GP2: variants seen among roughly 807,000 people sequenced by gnomAD.
GP2 encodes the protein glycoprotein 2, also known as pancreatic secretory granule membrane major glycoprotein GP2.
GP2 carries 58 observed loss-of-function variants against 60.8 expected under a neutral mutation model. That is an observed-to-expected ratio of 0.95 (90% CI 0.77 to 1.19). GP2 has a LOEUF of 1.19. GP2 is among the 50% of genes most tolerant of loss of function. The pLI, the probability that GP2 is intolerant of heterozygous loss-of-function variation, is 0.00. For missense variants in GP2, 647 were observed against 667.4 expected, an observed-to-expected ratio of 0.97 and a Z score of 0.34; for synonymous variants, 280 against 253.4, an observed-to-expected ratio of 1.10 and a Z score of -1.00.
intron 4 of GP2, 71 bp downstream of exon 4, chr16:20,322,798 A>G: frequency 1.2e-6 from 1 of 817,394 alleles, no homozygotes; most frequent in South Asian, 1.5e-5. Flanking sequence ...CCTTATCTTG[A>G]CCCTCTAAAG....
In GP2 at chr16:20,323,858, G is replaced by C; in HGVS notation, c.493C>G (p.Arg165Gly). Residue 165 changes from arginine (R) to glycine (G), a missense_variant, in exon 3 of 11, where the codon CGG becomes GGG. Arg to Gly is a moderately radical substitution (Grantham distance 125). Transcript: ENST00000302555. ...KACPGGYHVY[R>G]LEGTPWCNLR... is the part of the protein sequence containing the mutation. ...TTACACCAGGGAGTGCCTTCCAACC[G>C]GTACACATGGTACCCGCCTGGGCAG... 6.2e-7 allele frequency: 1 copy of C among 1,613,858 alleles called. No homozygotes were observed. The highest frequency in any genetic ancestry group is 8.5e-7 in the Non-Finnish European group (1 of 1,179,888).
In GP2 at chr16:20,319,602, C is replaced by A; in HGVS notation, c.1007+18G>T. ...ATTGCCAGGGTTATGGGTCAAAGGG[C>A]AAGGGTCAATGCCATACCTTACAAT... is the stretch of plus-strand genomic sequence containing the variant. On this transcript the variant is annotated intron_variant, in intron 6 of 10. Transcript: ENST00000302555. 2 of 1,597,080 alleles carry A rather than the reference C, an allele frequency of 1.3e-6. No individual in the cohort carries two copies. Among genetic ancestry groups the A allele is most frequent in the Non-Finnish European group, 1.7e-6 (2 of 1,164,764 alleles).
chr16:20,316,238 T>G (rs1964162018), intron 8 of GP2, among the ~76,000 whole-genome samples, 198 bp from the exon 9 acceptor site: 1 of 152,216 alleles, frequency 6.6e-6, no homozygotes, highest in African/African-American at 2.4e-5. Context: ...TTGAATCTCA[T>G]CAAGTAGAGA....
rs1174004061 is a variant in GP2 at position 20,313,195 on chromosome 16, T to A, written c.1546+1462A>T. The stretch of plus-strand genomic sequence containing the variant: ...TGTGCTTTCCATTTTGTCCAAGACA[T>A]ATTTCTAGTACCCTATAAATATGTA... On this transcript the variant is annotated intron_variant, in intron 10 of 10. Coordinates refer to ENST00000302555, the MANE Select transcript of GP2 (RefSeq NM_001502.4). Among the ~76,000 whole-genome samples, 5 of 152,310 alleles carry A rather than the reference T, an allele frequency of 3.3e-5. No homozygotes were observed. In the East Asian group the frequency reaches 7.7e-4, roughly 24 times the overall value.
In GP2 at chr16:20,317,292, A is replaced by T. The variant is rs1258066324; in HGVS notation, c.1337T>A (p.Met446Lys). Reference sequence around the variant, plus strand: ...AACTAGGTCATAATGTCCAGCAAACATGAACATCTGAACTGAGAACCGGCT... The same window carrying T: ...AACTAGGTCATAATGTCCAGCAAACTTGAACATCTGAACTGAGAACCGGCT... ...SESRFSVQMF[M>K]FAGHYDLVFL... Residue 446 changes from methionine to lysine, a missense_variant, in exon 8 of 11, where the codon ATG (methionine) becomes AAG (lysine). Met to Lys is a moderately conservative substitution (Grantham distance 95). Transcript: ENST00000302555. 11 of 1,612,638 alleles carry T rather than the reference A, an allele frequency of 6.8e-6. No individual in the cohort carries two copies. The highest frequency in any genetic ancestry group is 9.3e-6 in the Non-Finnish European group (11 of 1,178,616).
intron 10 of GP2, among the ~76,000 whole-genome samples, chr16:20,312,199 G>A (rs1053346730): frequency 3.9e-5 from 6 of 152,276 alleles, no homozygotes; most frequent in Middle Eastern, 3.4e-3. Flanking sequence ...AGTGAAGGAC[G>A]TGGATCCCAG....
chr16:20,320,157 G>A, intron 5 of GP2, 105 bp downstream of exon 5: 1 of 807,374 alleles, frequency 1.2e-6, no homozygotes, highest in South Asian at 1.5e-5. Flanking sequence ...CAACCCTGGG[G>A]GCTCAGGGAA....
Position 20,317,275 on chromosome 16 carries a change from C to T in GP2, c.1354G>A (p.Asp452Asn). Reference protein sequence around the residue: ...VQMFMFAGHYDLVFLHCEIHL... With the variant: ...VQMFMFAGHYNLVFLHCEIHL... ...ATCTCACAATGCAGGAAAACTAGGTCATAATGTCCAGCAAACATGAACATC... is the reference window on the plus strand; with the variant it reads ...ATCTCACAATGCAGGAAAACTAGGTTATAATGTCCAGCAAACATGAACATC... Residue 452 changes from aspartate (D) to asparagine (N), a missense_variant, in exon 8 of 11, where the codon GAC becomes AAC. Asp to Asn is a conservative substitution (Grantham distance 23). Coordinates refer to ENST00000302555, the MANE Select transcript of GP2 (RefSeq NM_001502.4). 6.2e-7 allele frequency: 1 copy of T among 1,613,262 alleles called. No homozygotes were observed. Among genetic ancestry groups the T allele is most frequent in the Non-Finnish European group, 8.5e-7 (1 of 1,179,210 alleles).
chr16:20,314,525 T>C, intron 10 of GP2, 132 bp downstream of exon 10: 2 of 739,740 alleles, frequency 2.7e-6, no homozygotes, highest in Non-Finnish European at 5.0e-6. Context: ...ACTGTGGGCA[T>C]CTCAAAGGCC....
intron 10 of GP2, among the ~76,000 whole-genome samples, chr16:20,312,791 C>G (rs577527718): frequency 6.6e-6 from 1 of 152,052 alleles, no homozygotes; most frequent in African/African-American, 2.4e-5. Flanking sequence ...GCTGGGATTA[C>G]AGGCATGCAC....
At position 20,324,150 on chromosome 16, in the gene GP2, G is replaced by C; in HGVS notation, c.201C>G (p.Thr67=). The C allele has an allele frequency of 6.2e-7, 1 of 1,613,856 alleles. No individual in the cohort carries two copies. The highest frequency in any genetic ancestry group is 8.5e-7 in the Non-Finnish European group (1 of 1,179,712). ...TGCTTCGGAAGGGTTCATCCAGGAG[G>C]GTGTAATTCTGACAGGGGTCAAAAC... ...HVCFDPCQNY[T]LLDEPFRSTE... The change falls in exon 3 of 11, where the codon ACC becomes ACG. Residue 67 remains threonine, a synonymous_variant. Coordinates refer to ENST00000302555, the MANE Select transcript of GP2 (RefSeq NM_001502.4).
At chr16:20,325,480 C>A (rs1002838470) in intron 2 of GP2, among the ~76,000 whole-genome samples, 1 of 152,120 alleles carries the variant, frequency 6.6e-6, no homozygotes, top group Non-Finnish European at 1.5e-5. Context: ...TTGCCAGGCA[C>A]CCCCAGAACC....
rs1414737891 is a variant in GP2, at chr16:20,326,379, A to G, written c.53T>C (p.Leu18Ser). ...MVGSGLLWLA[L>S]VSCILTQASA... Reference sequence around the variant, plus strand: ...TGCCTGGGTCAGAATGCAGGAGACCAAGGCCAGCCACAGGAGGCCAGAGCC... The same window carrying G: ...TGCCTGGGTCAGAATGCAGGAGACCGAGGCCAGCCACAGGAGGCCAGAGCC... The change falls in exon 2 of 11, where the codon TTG (leucine) becomes TCG (serine). Residue 18 changes from leucine (L) to serine (S), a missense_variant. Transcript: ENST00000302555. The G allele has an allele frequency of 8.1e-6, 13 of 1,613,616 alleles. No individual in the cohort carries two copies. Among genetic ancestry groups the G allele is most frequent in the Non-Finnish European group, 1.1e-5 (13 of 1,179,652 alleles).
At chr16:20,316,565 C>T (rs1397897623) in intron 8 of GP2, among the ~76,000 whole-genome samples, 5 of 152,106 alleles carry the variant, frequency 3.3e-5, no homozygotes, top group African/African-American at 1.2e-4. Flanking sequence ...CTGAGACTTA[C>T]ATTAAAAAAT....
Position 20,320,375 on chromosome 16 carries a change from C to T in GP2, c.745G>A (p.Val249Ile), listed in dbSNP as rs1194764816. The T allele has an allele frequency of 1.9e-6, 3 of 1,613,730 alleles. No individual in the cohort carries two copies. The highest frequency in any genetic ancestry group is 2.5e-6 in the Non-Finnish European group (3 of 1,179,632). Residue 249 changes from valine (V) to isoleucine (I), a missense_variant, in exon 5 of 11, where the codon GTC becomes ATC. Coordinates refer to ENST00000302555, the MANE Select transcript of GP2 (RefSeq NM_001502.4). ...TTTGGGTCTCGCAGGTAGGCAATGA[C>T]CTCCTCCCCCAAACCCAGGCCTCCC... Reference protein sequence around the residue: ...LLGGLGLGEEVIAYLRDPNCS... With the variant: ...LLGGLGLGEEIIAYLRDPNCS...
chr16:20,322,894 G>C lies in GP2; in HGVS notation c.621C>G (p.Phe207Leu), dbSNP rs755437016. Reference sequence around the variant, plus strand: ...CAGAACTATTGAGGTCCTGTCTGCAGAAACAGCCCCAGGTGCTGTTGAGGG... The same window carrying C: ...CAGAACTATTGAGGTCCTGTCTGCACAAACAGCCCCAGGTGCTGTTGAGGG... ...CLALNSTWGC[F>L]CRQDLNSSDV... Residue 207 changes from phenylalanine to leucine, a missense_variant, in exon 4 of 11, where the codon TTC becomes TTG. By Grantham distance (22) the Phe-to-Leu change is conservative (BLOSUM62 0). Coordinates refer to ENST00000302555, the MANE Select transcript of GP2 (RefSeq NM_001502.4). 1.2e-6 allele frequency: 2 copies of C among 1,606,442 alleles called. No homozygotes were observed. The highest frequency in any genetic ancestry group is 3.3e-5 in the Admixed American group (2 of 60,018).
chr16:20,323,803 C>G lies in GP2; in HGVS notation c.535+13G>C, dbSNP rs1429678839. ...GGCTGTGTAGCTGCCTCCTCCAGGGCTCTGCTGCTCACCTGTGCAGTATCT... is the reference window on the plus strand; with the variant it reads ...GGCTGTGTAGCTGCCTCCTCCAGGGGTCTGCTGCTCACCTGTGCAGTATCT... On this transcript the variant is annotated intron_variant, in intron 3 of 10. Coordinates refer to ENST00000302555, the MANE Select transcript of GP2 (RefSeq NM_001502.4). The G allele has an allele frequency of 1.3e-6, 2 of 1,574,144 alleles. No homozygotes were observed. The highest frequency in any genetic ancestry group is 1.7e-6 in the Non-Finnish European group (2 of 1,153,444).
At chr16:20,317,890 G>A (rs1330654636) in intron 7 of GP2, among the ~76,000 whole-genome samples, 4 of 152,138 alleles carry the variant, frequency 2.6e-5, no homozygotes, top group Admixed American at 1.3e-4. Context: ...ATATTGACCA[G>A]TGTTCACTTC....
intron 8 of GP2, among the ~76,000 whole-genome samples, chr16:20,316,582 A>G (rs973951209): frequency 6.6e-6 from 1 of 152,214 alleles, no homozygotes; most frequent in Non-Finnish European, 1.5e-5. Context: ...AAATGTATGC[A>G]GAAGTTTTAG....
Sources: gnomAD v4.1 joint callset for allele counts (sites outside exome capture counted in the v4.1 genomes callset) on GRCh38, gnomAD v4.1.1 for gene constraint, MANE v1.5 for transcripts, NCBI Gene and HGNC (gene_info 2026-07-23, HGNC 2026-07-21) for gene names.